The following RSRC1 variants were observed in gnomAD, a reference collection of about 807,000 sequenced individuals.
The protein encoded by RSRC1 is serine/Arginine-related protein 53.
A neutral mutation model predicts 49.1 loss-of-function variants in RSRC1; 39 were observed. That is an observed-to-expected ratio of 0.79 (90% CI 0.61 to 1.04). The LOEUF is 1.04. RSRC1 is among the 50% of genes least tolerant of loss of function. RSRC1 has a pLI of 0.00. For synonymous variants in RSRC1, 143 were observed against 130.8 expected (o/e 1.09, Z -0.63); for missense variants, 388 against 402.4 (o/e 0.96, Z 0.31).
rs1280149691 is a variant in RSRC1 at position 158,308,069 on chromosome 3, CTG to C, written c.531+9996_531+9997del. On this transcript the variant is annotated intron_variant, in intron 5 of 9. Coordinates refer to ENST00000611884, the MANE Select transcript of RSRC1 (RefSeq NM_001271838.2). ...ATATTTGTTCCATAATTTGGATTGACTGTTGTTTGGTTGATATGTAAAAGAAG... is the reference window on the plus strand; with the variant it reads ...ATATTTGTTCCATAATTTGGATTGACTTGTTTGGTTGATATGTAAAAGAAG... Among the ~76,000 whole-genome samples the C allele has an allele frequency of 5.3e-5, 8 of 151,940 alleles. No homozygotes were observed. The East Asian group carries it at 9.6e-4, about 18-fold the overall frequency.
At chr3:158,448,442 G>C (rs762306614) in intron 6 of RSRC1, among the ~76,000 whole-genome samples, 58 of 151,808 alleles carry the variant, frequency 3.8e-4, no homozygotes, top group Admixed American at 1.3e-3. Flanking sequence ...ATATAAGCAT[G>C]TACAAAGATA....
rs114562929 is a variant in RSRC1, at chr3:158,300,333, T to C, written c.531+2258T>C. 4.3e-3 allele frequency among the ~76,000 whole-genome samples: 660 copies of C among 152,332 alleles called. 2 individuals are homozygous for C. Among genetic ancestry groups the C allele is most frequent in the Non-Finnish European group, 7.7e-3 (525 of 68,016 alleles). ...TAACTGTGAACTATTAACAATATAT[T>C]CATCTATCCATCTGTCTGTTTATCC... On this transcript the variant is annotated intron_variant, in intron 5 of 9. Transcript: ENST00000611884.
At chr3:158,140,732 A>G (rs1716693432) in intron 3 of RSRC1, among the ~76,000 whole-genome samples, 1 of 152,156 alleles carries the variant, frequency 6.6e-6, no homozygotes, top group South Asian at 2.1e-4. Flanking sequence ...AATGTATTAT[A>G]TTTTATCATT....
intron 6 of RSRC1, among the ~76,000 whole-genome samples, chr3:158,360,809 A>C (rs965820221): frequency 2.0e-5 from 3 of 152,180 alleles, no homozygotes; most frequent in Non-Finnish European, 4.4e-5. Context: ...TCCTGAGCTA[A>C]GAGTGCAGAG....
At position 158,179,016 on chromosome 3, in the gene RSRC1, T is replaced by C. The variant is rs372254480; in HGVS notation, c.321-24056T>C. ...ATTTTGCTAAGCTTGCTGAATTCTT[T>C]TATGGTTTGGGTCAATGTTATCAAT... On this transcript the variant is annotated intron_variant, in intron 3 of 9. Coordinates refer to ENST00000611884, the MANE Select transcript of RSRC1 (RefSeq NM_001271838.2). Among the ~76,000 whole-genome samples the C allele has an allele frequency of 6.0e-4, 92 of 152,314 alleles. No individual in the cohort carries two copies. In the South Asian group the frequency reaches 0.018, roughly 30 times the overall value.
chr3:158,230,942 C>G (rs2108311025), intron 4 of RSRC1, among the ~76,000 whole-genome samples: 1 of 152,194 alleles, frequency 6.6e-6, no homozygotes, highest in South Asian at 2.1e-4. Context: ...CACGTCCTTT[C>G]TCCTGCCTTC....
rs1232744358 is a variant in RSRC1, at chr3:158,203,052, A to G, written c.321-20A>G. The G allele has an allele frequency of 6.3e-7, 1 of 1,584,422 alleles. No individual in the cohort carries two copies. Among genetic ancestry groups the G allele is most frequent in the Admixed American group, 1.7e-5 (1 of 57,866 alleles). ...ACAAATTATACACTAAGTTTATTTA[A>G]CAAAATCTGCTTACTGTAGGTCCAG... On this transcript the variant is annotated intron_variant, in intron 3 of 9. Coordinates refer to ENST00000611884, the MANE Select transcript of RSRC1 (RefSeq NM_001271838.2).
At chr3:158,459,807 G>A (rs1737524164) in intron 6 of RSRC1, among the ~76,000 whole-genome samples, 1 of 151,810 alleles carries the variant, frequency 6.6e-6, no homozygotes, top group Non-Finnish European at 1.5e-5. Flanking sequence ...CTGTGTAATT[G>A]GATATAGTAC....
At chr3:158,192,558 T>C (rs1363305054) in intron 3 of RSRC1, among the ~76,000 whole-genome samples, 1 of 152,024 alleles carries the variant, frequency 6.6e-6, no homozygotes. Context: ...AGATAGTACT[T>C]GATAGAAGAC....
chr3:158,367,872 C>T (rs1731861637), intron 6 of RSRC1, among the ~76,000 whole-genome samples: 1 of 151,898 alleles, frequency 6.6e-6, no homozygotes. Context: ...CAATTTCCAA[C>T]AATGAATGTG....
chr3:158,355,750 A>G (rs987782637), intron 6 of RSRC1, among the ~76,000 whole-genome samples: 15 of 152,040 alleles, frequency 9.9e-5, no homozygotes, highest in African/African-American at 3.4e-4. Context: ...ACTTATTCAA[A>G]CAATAAGTTT....
At position 158,465,459 on chromosome 3, in the gene RSRC1, G is replaced by C. The variant is rs147891650; in HGVS notation, c.652+4456G>C. Among the ~76,000 whole-genome samples, 3 of 152,214 alleles carry C rather than the reference G, an allele frequency of 2.0e-5. No individual in the cohort carries two copies. The East Asian group carries it at 5.8e-4, about 29-fold the overall frequency. The stretch of plus-strand genomic sequence containing the variant: ...AGACCCATAGACCCTAAGACCCTTT[G>C]TTCCTTCTGGATACCCTTTATAAGA... On this transcript the variant is annotated intron_variant, in intron 7 of 9. Coordinates refer to ENST00000611884, the MANE Select transcript of RSRC1 (RefSeq NM_001271838.2).
At chr3:158,197,195 T>C (rs1245007347) in intron 3 of RSRC1, among the ~76,000 whole-genome samples, 1 of 152,210 alleles carries the variant, frequency 6.6e-6, no homozygotes, top group Non-Finnish European at 1.5e-5. Context: ...TATTGGTCTA[T>C]TCAGGGATTC....
At chr3:158,309,484 T>C (rs1559986675) in intron 5 of RSRC1, among the ~76,000 whole-genome samples, 1 of 151,890 alleles carries the variant, frequency 6.6e-6, no homozygotes, top group Non-Finnish European at 1.5e-5. Flanking sequence ...TAAATGTTTT[T>C]AAGTGGAATC....
At chr3:158,180,543 C>T (rs779137969) in intron 3 of RSRC1, among the ~76,000 whole-genome samples, 26 of 150,712 alleles carry the variant, frequency 1.7e-4, no homozygotes, top group Non-Finnish European at 3.4e-4. Context: ...CTCACTGTAG[C>T]CTCTTTCTCC....
At chr3:158,268,590 T>A (rs1725336588) in intron 4 of RSRC1, among the ~76,000 whole-genome samples, 1 of 152,198 alleles carries the variant, frequency 6.6e-6, no homozygotes, top group Non-Finnish European at 1.5e-5. Flanking sequence ...AATATAACAG[T>A]AACTCTTCAC....
chr3:158,135,409 A>G (rs1482564826), intron 3 of RSRC1, among the ~76,000 whole-genome samples: 1 of 151,534 alleles, frequency 6.6e-6, no homozygotes, highest in Non-Finnish European at 1.5e-5. Context: ...AGCTGGGATT[A>G]CAGGCATGCA....
chr3:158,410,797 AATT>A (rs914954787), intron 6 of RSRC1, among the ~76,000 whole-genome samples: 1 of 152,038 alleles, frequency 6.6e-6, no homozygotes, highest in African/African-American at 2.4e-5. Flanking sequence ...TAGTTCACCA[AATT>A]ATTATAAAGC....
intron 3 of RSRC1, 118 bp from the exon 4 acceptor site, chr3:158,202,954 T>A: frequency 1.4e-6 from 1 of 695,542 alleles, no homozygotes. Context: ...ACGTGGTTAT[T>A]TATTTCTGAG....
Sources: allele counts gnomAD v4.1 joint callset (sites outside exome capture counted in the v4.1 genomes callset), GRCh38; gene constraint gnomAD v4.1.1; transcripts MANE v1.5; gene names NCBI Gene and HGNC (gene_info 2026-07-23, HGNC 2026-07-21).